NAA15: variants seen among roughly 807,000 people sequenced by gnomAD.
NAA15 encodes the protein N-alpha-acetyltransferase 15, NatA auxiliary subunit.
In NAA15, 34 loss-of-function variants were observed where a neutral mutation model predicts 114.0. The observed-to-expected ratio is 0.30, with a 90% CI of 0.23 to 0.40. The LOEUF (loss-of-function observed/expected upper bound fraction) is 0.40. Among genes scored for constraint, NAA15 ranks in the 10% least tolerant of loss-of-function variants. NAA15 has a pLI of 1.00. For missense variants in NAA15, 658 were observed against 1,004.5 expected, an observed-to-expected ratio of 0.66 and a Z score of 4.66; for synonymous variants, 340 against 338.0, an observed-to-expected ratio of 1.01 and a Z score of -0.06.
At chr4:139,335,473 C>T (rs969338471) in intron 2 of NAA15, among the ~76,000 whole-genome samples, 1 of 151,980 alleles carries the variant, frequency 6.6e-6, no homozygotes, top group African/African-American at 2.4e-5. Flanking sequence ...TCAAGCGACT[C>T]CCCTACCTCA....
At chr4:139,331,161 T>C (rs1199742277) in intron 1 of NAA15, among the ~76,000 whole-genome samples, 1 of 152,188 alleles carries the variant, frequency 6.6e-6, no homozygotes, top group East Asian at 1.9e-4. Context: ...AAAAGTCAGC[T>C]AGCACTAAAA....
intron 1 of NAA15, among the ~76,000 whole-genome samples, chr4:139,314,164 T>C (rs1438249920): frequency 6.6e-6 from 1 of 151,912 alleles, no homozygotes; most frequent in South Asian, 2.1e-4. Context: ...TGTAAATTAT[T>C]GTGAAGTGGA....
chr4:139,373,453 A>G (rs1395804486), intron 15 of NAA15, among the ~76,000 whole-genome samples: 1 of 152,208 alleles, frequency 6.6e-6, no homozygotes, highest in East Asian at 1.9e-4. Context: ...GCACATGACT[A>G]TATAAAATAA....
intron 11 of NAA15, among the ~76,000 whole-genome samples, chr4:139,358,192 T>G (rs1022025368): frequency 1.8e-4 from 13 of 73,986 alleles, no homozygotes; most frequent in Admixed American, 6.3e-4. Flanking sequence ...TTTGTTTTTG[T>G]TTTTTTTTTT....
chr4:139,303,255 A>G (rs568579516), intron 1 of NAA15, among the ~76,000 whole-genome samples: 2 of 152,330 alleles, frequency 1.3e-5, no homozygotes, highest in South Asian at 2.1e-4. Flanking sequence ...AGTTTTAGGA[A>G]AAAAGTTACT....
At chr4:139,320,769 C>T (rs1158268467) in intron 1 of NAA15, among the ~76,000 whole-genome samples, 1 of 152,188 alleles carries the variant, frequency 6.6e-6, no homozygotes, top group African/African-American at 2.4e-5. Context: ...GATCCGCCCA[C>T]CTCGGCCACC....
Position 139,315,001 on chromosome 4 carries a change from T to TGAGG in NAA15, c.54+13170_54+13171insGAGG, listed in dbSNP as rs1553992509. On this transcript the variant is annotated intron_variant, in intron 1 of 19. Transcript: ENST00000296543. The stretch of plus-strand genomic sequence containing the variant: ...TAGAGAAGCGTTCAGTTCAGTTCAG[T>TGAGG]TTAGTTTAGGTTAGGTTAGGTTAGG... Among the ~76,000 whole-genome samples the TGAGG allele has an allele frequency of 2.8e-4, 21 of 74,352 alleles. 2 individuals are homozygous for TGAGG. Among genetic ancestry groups the TGAGG allele is most frequent in the African/African-American group, 7.3e-4 (11 of 15,120 alleles). 48.8% of individuals were successfully genotyped at this position (74,352 alleles called of 152,430 possible).
At chr4:139,335,686 A>T (rs1049653752) in intron 2 of NAA15, among the ~76,000 whole-genome samples, 1 of 151,690 alleles carries the variant, frequency 6.6e-6, no homozygotes, top group Non-Finnish European at 1.5e-5. Flanking sequence ...CTAAAATGTG[A>T]TTCTCCAACT....
intron 1 of NAA15, among the ~76,000 whole-genome samples, chr4:139,319,991 G>A (rs1358009185): frequency 1.3e-5 from 2 of 152,060 alleles, no homozygotes; most frequent in African/African-American, 4.8e-5. Context: ...ATACAGTGAG[G>A]TATTTTCTCC....
intron 1 of NAA15, 102 bp from the exon 2 acceptor site, chr4:139,334,072 A>G (rs1747118865): frequency 1.3e-5 from 9 of 705,446 alleles, no homozygotes; most frequent in Non-Finnish European, 2.2e-5. Flanking sequence ...GCATATGGAA[A>G]TAGCATTCTG....
At chr4:139,335,341 A>G (rs1469540438) in intron 2 of NAA15, among the ~76,000 whole-genome samples, 2 of 152,124 alleles carry the variant, frequency 1.3e-5, no homozygotes, top group Non-Finnish European at 2.9e-5. Flanking sequence ...TCTGAAATGC[A>G]GTTTTCCCTA....
intron 1 of NAA15, among the ~76,000 whole-genome samples, chr4:139,318,202 TTC>T (rs898527944): frequency 6.6e-6 from 1 of 152,196 alleles, no homozygotes; most frequent in Non-Finnish European, 1.5e-5. Context: ...GTCTTTTTTA[TTC>T]TGAGACTGAG....
chr4:139,333,029 A>T (rs1439161579), intron 1 of NAA15, among the ~76,000 whole-genome samples: 1 of 152,208 alleles, frequency 6.6e-6, no homozygotes, highest in Non-Finnish European at 1.5e-5. Flanking sequence ...ATCCTCTTGT[A>T]TACTGTAAAT....
chr4:139,380,882 G>C (rs1420675574), intron 17 of NAA15, among the ~76,000 whole-genome samples: 4 of 151,920 alleles, frequency 2.6e-5, no homozygotes, highest in East Asian at 1.9e-4. Flanking sequence ...ATACCCCAAG[G>C]GTTTCTTTAA....
chr4:139,332,974 G>T (rs1747074330), intron 1 of NAA15, among the ~76,000 whole-genome samples: 2 of 152,200 alleles, frequency 1.3e-5, no homozygotes, highest in Non-Finnish European at 2.9e-5. Context: ...GGATGCTCAA[G>T]TCCTTGATAT....
At position 139,355,726 on chromosome 4, in the gene NAA15, G is replaced by T. The variant is rs531748931; in HGVS notation, c.1087+1628G>T. On this transcript the variant is annotated intron_variant, in intron 10 of 19. Coordinates refer to ENST00000296543, the MANE Select transcript of NAA15 (RefSeq NM_057175.5). ...CTTCTAATGGACAGGTCCAACTAGA[G>T]ATTTGATGAGATTCAATATTGTTTT... is the stretch of plus-strand genomic sequence containing the variant. 2.6e-5 allele frequency among the ~76,000 whole-genome samples: 4 copies of T among 152,270 alleles called. No homozygotes were observed. The South Asian group carries it at 8.3e-4, about 32-fold the overall frequency.
intron 14 of NAA15, among the ~76,000 whole-genome samples, chr4:139,367,891 A>G (rs985749681): frequency 2.6e-5 from 4 of 152,178 alleles, no homozygotes; most frequent in African/African-American, 9.6e-5. Context: ...GACACATTTT[A>G]TAACACTGTT....
At chr4:139,321,068 G>T (rs574756905) in intron 1 of NAA15, among the ~76,000 whole-genome samples, 41 of 151,992 alleles carry the variant, frequency 2.7e-4, no homozygotes, top group Non-Finnish European at 5.7e-4. Context: ...TCTTCTCAAA[G>T]AACCAGCTTT....
At chr4:139,319,280 G>A (rs1175481971) in intron 1 of NAA15, among the ~76,000 whole-genome samples, 1 of 151,868 alleles carries the variant, frequency 6.6e-6, no homozygotes, top group Non-Finnish European at 1.5e-5. Context: ...GCTAAATTTT[G>A]TATTTCTAGT....
Sources: allele counts gnomAD v4.1 joint callset (sites outside exome capture counted in the v4.1 genomes callset), GRCh38; gene constraint gnomAD v4.1.1; transcripts MANE v1.5; gene names NCBI Gene and HGNC (gene_info 2026-07-23, HGNC 2026-07-21).